Variants in IL16 observed in about 807,000 individuals in gnomAD.
IL16 encodes the protein pro-interleukin-16.
In IL16, 67 loss-of-function variants were observed where a neutral mutation model predicts 110.1. The ratio of observed to expected loss-of-function variants is 0.61; its 90% CI spans 0.50 to 0.75. The LOEUF (loss-of-function observed/expected upper bound fraction) is 0.75. Ranked by LOEUF, IL16 falls within the 30% of genes least tolerant of loss-of-function variation. IL16 has a pLI of 0.00. For synonymous variants in IL16, 689 were observed against 662.9 expected (o/e 1.04, Z -0.61); for missense variants, 1,545 against 1,655.0 (o/e 0.93, Z 1.15).
intron 2 of IL16, among the ~76,000 whole-genome samples, chr15:81,247,688 T>G (rs999583948): frequency 3.9e-5 from 6 of 152,292 alleles, no homozygotes; most frequent in Admixed American, 2.6e-4. Flanking sequence ...TTGTAACCTC[T>G]ACTTCAGCGA....
At position 81,306,181 on chromosome 15, in the gene IL16, C is replaced by A. The variant is rs370870793; in HGVS notation, c.3679+15C>A. The A allele has an allele frequency of 6.2e-7, 1 of 1,610,338 alleles. No individual in the cohort carries two copies. Among genetic ancestry groups the A allele is most frequent in the African/African-American group, 1.3e-5 (1 of 74,874 alleles). On this transcript the variant is annotated intron_variant, in intron 17 of 18. Coordinates refer to ENST00000683961, the MANE Select transcript of IL16 (RefSeq NM_172217.5). Reference sequence around the variant, plus strand: ...TGTAGAATCTAGTAAGTTCTCCCAACTCAGTGGAAGCCACATGGGCCACAT... The same window carrying A: ...TGTAGAATCTAGTAAGTTCTCCCAAATCAGTGGAAGCCACATGGGCCACAT...
chr15:81,300,903 G>A (rs1900251462), intron 14 of IL16, among the ~76,000 whole-genome samples: 1 of 152,202 alleles, frequency 6.6e-6, no homozygotes, highest in African/African-American at 2.4e-5. Context: ...CTTGTACTCT[G>A]CACGTGGGTT....
chr15:81,257,561 C>T (rs1897992205), intron 2 of IL16, among the ~76,000 whole-genome samples: 3 of 152,090 alleles, frequency 2.0e-5, no homozygotes, highest in Admixed American at 2.0e-4. Flanking sequence ...AGGGAAAAGC[C>T]AAGGGAATGA....
chr15:81,221,378 C>G (rs971374122), intron 1 of IL16, among the ~76,000 whole-genome samples: 2 of 152,124 alleles, frequency 1.3e-5, no homozygotes, highest in Non-Finnish European at 2.9e-5. Flanking sequence ...CGTCATAGAG[C>G]CTGGGGAAAG....
At chr15:81,301,053 G>T (rs1900259864) in intron 14 of IL16, among the ~76,000 whole-genome samples, 1 of 152,206 alleles carries the variant, frequency 6.6e-6, no homozygotes, top group Non-Finnish European at 1.5e-5. Context: ...GACCTTCTAT[G>T]CAGAACCAAG....
intron 1 of IL16, among the ~76,000 whole-genome samples, chr15:81,202,036 C>CA (rs1482874417): frequency 6.6e-6 from 1 of 152,188 alleles, no homozygotes; most frequent in Admixed American, 6.5e-5. Context: ...TTAGCCCAAG[C>CA]AAAGGTGTTG....
At chr15:81,302,759 T>C (rs1221907930) in intron 15 of IL16, among the ~76,000 whole-genome samples, 1 of 152,164 alleles carries the variant, frequency 6.6e-6, no homozygotes, top group Non-Finnish European at 1.5e-5. Flanking sequence ...AAAACCTGAA[T>C]TGAAACCTGG....
At chr15:81,247,091 T>TTTTG in intron 2 of IL16, among the ~76,000 whole-genome samples, 1 of 147,856 alleles carries the variant, frequency 6.8e-6, no homozygotes, top group African/African-American at 2.5e-5. Flanking sequence ...TTTTTTTTTT[T>TTTTG]TTTTTGATCT....
At chr15:81,284,839 G>A (rs1285693858) in intron 9 of IL16, among the ~76,000 whole-genome samples, 1 of 152,200 alleles carries the variant, frequency 6.6e-6, no homozygotes, top group Non-Finnish European at 1.5e-5. Context: ...TATGGCCACA[G>A]CTGTCATGCT....
At chr15:81,307,511 C>T (rs111236827) in intron 18 of IL16, among the ~76,000 whole-genome samples, 2 of 152,312 alleles carry the variant, frequency 1.3e-5, no homozygotes, top group Non-Finnish European at 2.9e-5. Flanking sequence ...ATGGCATTCC[C>T]CCCAGAATCC....
intron 1 of IL16, among the ~76,000 whole-genome samples, chr15:81,211,246 T>C (rs1332682203): frequency 6.7e-6 from 1 of 150,140 alleles, no homozygotes; most frequent in Non-Finnish European, 1.5e-5. Context: ...GAATTCTTTT[T>C]TTCTTTCTTT....
intron 9 of IL16, among the ~76,000 whole-genome samples, chr15:81,284,800 A>G (rs1899365258): frequency 6.6e-6 from 1 of 152,226 alleles, no homozygotes; most frequent in African/African-American, 2.4e-5. Context: ...TATTGGAACA[A>G]AGCCATGCTC....
chr15:81,263,454 A>C (rs936207503), intron 3 of IL16, among the ~76,000 whole-genome samples: 2 of 151,426 alleles, frequency 1.3e-5, no homozygotes, highest in African/African-American at 4.9e-5. Flanking sequence ...AATGGAGATG[A>C]TAATTTTGGT....
intron 11 of IL16, among the ~76,000 whole-genome samples, 155 bp downstream of exon 11, chr15:81,290,695 C>T (rs1899672057): frequency 6.6e-6 from 1 of 152,184 alleles, no homozygotes; most frequent in African/African-American, 2.4e-5. Context: ...AGCAGCCCAC[C>T]AGCTAAATTT....
chr15:81,230,959 G>T lies in IL16; in HGVS notation c.312+5248G>T, dbSNP rs931802796. Reference sequence around the variant, plus strand: ...GGTGAAAATGCAGAGGGAGACAGTGGAGGAAGGGGAGAGAAAGCTGGAGGC... The same window carrying T: ...GGTGAAAATGCAGAGGGAGACAGTGTAGGAAGGGGAGAGAAAGCTGGAGGC... On this transcript the variant is annotated intron_variant, in intron 2 of 18. Transcript: ENST00000683961. Among the ~76,000 whole-genome samples the T allele has an allele frequency of 3.3e-5, 5 of 152,004 alleles. 1 individual carries two copies. The highest frequency in any genetic ancestry group is 2.6e-4 in the Admixed American group (4 of 15,270).
At chr15:81,260,294 C>A (rs1278537731) in intron 3 of IL16, among the ~76,000 whole-genome samples, 1 of 152,076 alleles carries the variant, frequency 6.6e-6, no homozygotes, top group Non-Finnish European at 1.5e-5. Flanking sequence ...TACAGAAAAA[C>A]CTGAAGAAAT....
intron 1 of IL16, among the ~76,000 whole-genome samples, chr15:81,189,932 C>T (rs1895472981): frequency 6.6e-6 from 1 of 152,192 alleles, no homozygotes. Context: ...AAGCGGCGTT[C>T]CTCAGATACT....
At chr15:81,203,930 G>A (rs1424786081) in intron 1 of IL16, among the ~76,000 whole-genome samples, 2 of 151,940 alleles carry the variant, frequency 1.3e-5, no homozygotes, top group African/African-American at 4.8e-5. Flanking sequence ...CCATTTTCAC[G>A]ATATTGATTC....
intron 1 of IL16, among the ~76,000 whole-genome samples, chr15:81,190,594 A>C (rs1190724892): frequency 6.6e-6 from 1 of 152,136 alleles, no homozygotes; most frequent in Admixed American, 6.5e-5. Flanking sequence ...TGAATTGTGG[A>C]GCTGGATACT....
Sources: allele counts gnomAD v4.1 joint callset (sites outside exome capture counted in the v4.1 genomes callset), GRCh38; gene constraint gnomAD v4.1.1; transcripts MANE v1.5; gene names NCBI Gene and HGNC (gene_info 2026-07-23, HGNC 2026-07-21).